Variants in C12orf42 observed in about 807,000 individuals in gnomAD.
C12orf42 encodes uncharacterized protein C12orf42.
C12orf42 carries 25 observed loss-of-function variants against 21.6 expected under a neutral mutation model. That is an observed-to-expected ratio of 1.16 (90% confidence interval 0.84 to 1.62). The LOEUF is 1.62. Among genes scored for constraint, C12orf42 ranks in the 40% most tolerant of loss-of-function variants. The pLI, the probability that C12orf42 is intolerant of heterozygous loss-of-function variation, is 0.00. For synonymous variants in C12orf42, 174 were observed against 175.0 expected (o/e 0.99, Z 0.05); for missense variants, 483 against 459.3 (o/e 1.05, Z -0.47).
chr12:103,525,096 C>T, the C12orf42 span, among the ~76,000 whole-genome samples: 192 of 152,274 alleles, frequency 1.3e-3, no homozygotes, highest in African/African-American at 4.3e-3. Context: ...CGGCTCACTG[C>T]AGCCTCAACC....
At chr12:103,052,336 A>C in the C12orf42 span, among the ~76,000 whole-genome samples, 1 of 152,158 alleles carries the variant, frequency 6.6e-6, no homozygotes, top group Non-Finnish European at 1.5e-5. Flanking sequence ...GGTGACTCAA[A>C]TTCTCACCAA....
the C12orf42 span, chr12:103,164,339 T>TCTC: frequency 2.2e-6 from 1 of 447,516 alleles, no homozygotes; most frequent in Non-Finnish European, 4.5e-6. Context: ...ACTTACAGAC[T>TCTC]CTCCTATCCC....
At chr12:103,252,837 G>C (rs531772291) in intron 10 of C12orf42, among the ~76,000 whole-genome samples, 17 of 152,054 alleles carry the variant, frequency 1.1e-4, no homozygotes, top group Non-Finnish European at 2.4e-4. Context: ...GTTGGCTTTT[G>C]TTGCCATTGC....
intron 4 of C12orf42, among the ~76,000 whole-genome samples, chr12:103,308,379 C>G (rs546671351): frequency 2.6e-5 from 4 of 152,222 alleles, no homozygotes; most frequent in Non-Finnish European, 4.4e-5. Context: ...CTCTGGGTAA[C>G]TTCTATGTAA....
chr12:103,555,386 G>A, the C12orf42 span, among the ~76,000 whole-genome samples: 1 of 152,026 alleles, frequency 6.6e-6, no homozygotes, highest in Non-Finnish European at 1.5e-5. Context: ...ACTATCACGA[G>A]AACAGCATGG....
chr12:103,366,710 C>T (rs541909470), intron 4 of C12orf42, among the ~76,000 whole-genome samples: 9 of 151,910 alleles, frequency 5.9e-5, no homozygotes, highest in African/African-American at 9.7e-5. Flanking sequence ...TGAAAAAATG[C>T]TCAACAACAC....
chr12:103,136,501 CA>C, the C12orf42 span, among the ~76,000 whole-genome samples: 1 of 152,086 alleles, frequency 6.6e-6, no homozygotes, highest in Non-Finnish European at 1.5e-5. Context: ...TATCAAAATA[CA>C]AATATAATTT....
intron 5 of C12orf42, among the ~76,000 whole-genome samples, chr12:103,271,681 T>C (rs2035485399): frequency 6.6e-6 from 1 of 152,110 alleles, no homozygotes; most frequent in Admixed American, 6.6e-5. Flanking sequence ...GACAGCAAGC[T>C]ATGACCATGA....
intron 5 of C12orf42, chr12:103,277,030 T>TA: frequency 2.4e-6 from 1 of 420,946 alleles, no homozygotes. Context: ...TTATTTACAA[T>TA]AAAAACACAG....
At chr12:103,372,168 C>A (rs2045303886) in intron 3 of C12orf42, among the ~76,000 whole-genome samples, 1 of 152,122 alleles carries the variant, frequency 6.6e-6, no homozygotes, top group African/African-American at 2.4e-5. Flanking sequence ...CCCTCCTCTG[C>A]AGTCCTCTGC....
chr12:103,271,496 G>A (rs1566008694), intron 5 of C12orf42, among the ~76,000 whole-genome samples: 1 of 152,138 alleles, frequency 6.6e-6, no homozygotes, highest in South Asian at 2.1e-4. Context: ...ATCACTACTT[G>A]TGTGACTCCA....
the C12orf42 span, among the ~76,000 whole-genome samples, chr12:103,064,555 C>T: frequency 0.022 from 3,412 of 152,304 alleles, 56 homozygotes; most frequent in African/African-American, 0.044. Context: ...ATTATAAAAA[C>T]AGAAAATCAT....
chr12:103,255,811 G>T (rs1038148466), intron 10 of C12orf42, among the ~76,000 whole-genome samples: 2 of 151,226 alleles, frequency 1.3e-5, no homozygotes, highest in Admixed American at 6.6e-5. Flanking sequence ...CAGCACTTTG[G>T]GAGGCCGAGG....
the C12orf42 span, among the ~76,000 whole-genome samples, chr12:103,145,676 G>C: frequency 6.6e-6 from 1 of 152,098 alleles, no homozygotes; most frequent in African/African-American, 2.4e-5. Context: ...TTATGAAAAT[G>C]TTTATTACAA....
chr12:103,368,993 G>C lies in C12orf42; in HGVS notation c.153C>G (p.Ile51Met), dbSNP rs1217655363. The C allele has an allele frequency of 6.4e-7, 1 of 1,570,046 alleles. No homozygotes were observed. Among genetic ancestry groups the C allele is most frequent in the Non-Finnish European group, 8.7e-7 (1 of 1,149,304 alleles). ...WDRSTPSAKH[I>M]PCYERTSVPC... is the part of the protein sequence containing the mutation. ...GTACTGAAGTTCTTTCATAACAAGG[G>C]ATGTGCTGTAAGATAGAGGAGAAAA... The change falls in exon 4 of 6, where the codon ATC becomes ATG. Residue 51 changes from isoleucine (I) to methionine (M), a missense_variant. By Grantham distance (10) the Ile-to-Met change is conservative (BLOSUM62 1). Transcript: ENST00000548883.
At chr12:103,216,542 T>A in the C12orf42 span, among the ~76,000 whole-genome samples, 3 of 151,398 alleles carry the variant, frequency 2.0e-5, no homozygotes, top group Admixed American at 6.6e-5. Context: ...CCTGGCTAAT[T>A]TTTTTTTGTA....
the C12orf42 span, among the ~76,000 whole-genome samples, chr12:103,071,529 T>C: frequency 1.3e-5 from 2 of 152,006 alleles, no homozygotes; most frequent in Admixed American, 1.3e-4. Context: ...ATTGTAATAA[T>C]CCCCATGTGT....
chr12:103,055,797 T>G, the C12orf42 span, among the ~76,000 whole-genome samples: 4 of 152,080 alleles, frequency 2.6e-5, no homozygotes, highest in African/African-American at 9.6e-5. Flanking sequence ...TGAGACTTCT[T>G]CTTTGACCGA....
chr12:103,429,230 A>C (rs1733857341), intron 2 of C12orf42, among the ~76,000 whole-genome samples: 1 of 152,250 alleles, frequency 6.6e-6, no homozygotes, highest in African/African-American at 2.4e-5. Context: ...CCATTGTCTC[A>C]GCCCAAAATT....
Sources: gnomAD v4.1 joint callset for allele counts (sites outside exome capture counted in the v4.1 genomes callset) on GRCh38, gnomAD v4.1.1 for gene constraint, MANE v1.5 for transcripts, NCBI Gene and HGNC (gene_info 2026-07-23, HGNC 2026-07-21) for gene names.